CLMN: variants seen among roughly 807,000 people sequenced by gnomAD.
CLMN encodes calmin, also known as calmin (calponin-like, transmembrane).
In CLMN, 57 loss-of-function variants were observed where a neutral mutation model predicts 92.7. That is an observed-to-expected ratio of 0.61 (90% CI 0.50 to 0.77). The LOEUF (loss-of-function observed/expected upper bound fraction) is 0.77. Among genes scored for constraint, CLMN ranks in the 30% least tolerant of loss-of-function variants. CLMN has a pLI of 0.00. For missense variants in CLMN, 1,158 were observed against 1,237.5 expected (o/e 0.94, Z 0.96); for synonymous variants, 466 against 470.6 (o/e 0.99, Z 0.13).
chr14:95,269,011 C>T (rs1463506599), intron 1 of CLMN, among the ~76,000 whole-genome samples: 1 of 151,840 alleles, frequency 6.6e-6, no homozygotes, highest in African/African-American at 2.4e-5. Context: ...ACCATATTAG[C>T]CAGGCTGGTC....
chr14:95,204,491 C>CA lies in CLMN; in HGVS notation c.886-29dup, dbSNP rs369276675. ...GCAAAAAAAAACAAAAACAAACAAA[C>CA]AAAAAAAAACAAAAGAACAACAACA... is the stretch of plus-strand genomic sequence containing the variant. On this transcript the variant is annotated intron_variant, in intron 8 of 12. Transcript: ENST00000298912. 2,900 of 1,438,882 alleles carry CA rather than the reference C, an allele frequency of 2.0e-3. 8 individuals carry two copies. Among genetic ancestry groups the CA allele is most frequent in the African/African-American group, 0.012 (781 of 67,790 alleles). 89.1% of individuals were successfully genotyped at this position (1,438,882 alleles called of 1,614,324 possible).
Position 95,203,402 on chromosome 14 carries a change from T to C in CLMN, c.1947A>G (p.Thr649=), listed in dbSNP as rs1896945619. Residue 649 remains threonine, a synonymous_variant, in exon 9 of 13, where the codon ACA becomes ACG. Transcript: ENST00000298912. ...AEGCPSAPEE[T]PVDKKPEVHE... ...GCACCTCTGGCTTTTTATCCACTGG[T>C]GTCTCTTCTGGGGCTGAAGGACAGC... is the stretch of plus-strand genomic sequence containing the variant. The C allele has an allele frequency of 1.2e-6, 2 of 1,614,178 alleles. No individual in the cohort carries two copies. Among genetic ancestry groups the C allele is most frequent in the Non-Finnish European group, 1.7e-6 (2 of 1,180,026 alleles).
intron 4 of CLMN, among the ~76,000 whole-genome samples, chr14:95,221,272 T>C (rs531797834): frequency 1.3e-5 from 2 of 152,268 alleles, no homozygotes; most frequent in East Asian, 1.9e-4. Flanking sequence ...TTTTGTAACT[T>C]TTTTCCCCTG....
intron 1 of CLMN, among the ~76,000 whole-genome samples, chr14:95,237,499 G>A (rs1285408754): frequency 6.6e-6 from 1 of 152,256 alleles, no homozygotes. Flanking sequence ...TTACCACTGG[G>A]AGGATCATTT....
chr14:95,212,886 C>T (rs536840754), intron 6 of CLMN, among the ~76,000 whole-genome samples: 3 of 151,506 alleles, frequency 2.0e-5, no homozygotes, highest in East Asian at 1.9e-4. Flanking sequence ...CCCAGGTTCA[C>T]GCCATTCTCC....
chr14:95,231,913 C>T lies in CLMN; in HGVS notation c.83-1780G>A, dbSNP rs570839053. 8.3e-4 allele frequency among the ~76,000 whole-genome samples: 126 copies of T among 152,374 alleles called. 1 individual carries two copies. The South Asian group carries it at 0.015, about 18-fold the overall frequency. On this transcript the variant is annotated intron_variant, in intron 1 of 12. Transcript: ENST00000298912. The stretch of plus-strand genomic sequence containing the variant: ...CATGGATTAACTAATTTAATCCTTA[C>T]TACCATCCTCTGTGGCAGGTGCTAT...
chr14:95,281,069 A>G (rs567024298), intron 1 of CLMN, among the ~76,000 whole-genome samples: 9 of 152,240 alleles, frequency 5.9e-5, no homozygotes, highest in Non-Finnish European at 1.0e-4. Context: ...TGGATAACTA[A>G]TATATTCATA....
intron 9 of CLMN, among the ~76,000 whole-genome samples, chr14:95,198,042 C>CTTTTTTTTTT (rs1019598103): frequency 1.0e-4 from 7 of 69,958 alleles, no homozygotes; most frequent in Admixed American, 1.7e-4. Context: ...TTTTTTCTTT[C>CTTTTTTTTTT]TTTTTTTTTT....
At chr14:95,224,486 T>C (rs1246070635) in intron 2 of CLMN, among the ~76,000 whole-genome samples, 2 of 152,144 alleles carry the variant, frequency 1.3e-5, no homozygotes, top group Non-Finnish European at 2.9e-5. Context: ...TTTCACCATG[T>C]TGGCCAGTCT....
chr14:95,211,050 C>A (rs762841036), intron 6 of CLMN, among the ~76,000 whole-genome samples, 171 bp from the exon 7 acceptor site: 1 of 152,226 alleles, frequency 6.6e-6, no homozygotes. Context: ...GAACCACTCA[C>A]ATTTCCATTT....
intron 1 of CLMN, among the ~76,000 whole-genome samples, chr14:95,251,117 T>G (rs1898765259): frequency 1.3e-5 from 2 of 152,170 alleles, no homozygotes; most frequent in South Asian, 4.1e-4. Context: ...GCATTTGGCG[T>G]CTGCACTCAA....
At chr14:95,285,747 T>C (rs1386455253) in intron 1 of CLMN, among the ~76,000 whole-genome samples, 1 of 152,054 alleles carries the variant, frequency 6.6e-6, no homozygotes, top group Non-Finnish European at 1.5e-5. Flanking sequence ...CAGGATGAGG[T>C]GGACTTTTGA....
chr14:95,253,093 T>C lies in CLMN; in HGVS notation c.83-22960A>G, dbSNP rs551552018. 4.6e-5 allele frequency among the ~76,000 whole-genome samples: 7 copies of C among 152,256 alleles called. No homozygotes were observed. The South Asian group carries it at 8.3e-4, about 18-fold the overall frequency. On this transcript the variant is annotated intron_variant, in intron 1 of 12. Coordinates refer to ENST00000298912, the MANE Select transcript of CLMN (RefSeq NM_024734.4). Reference sequence around the variant, plus strand: ...AAACAAGAGTGGTCTTGTGTGGACCTTGGCAATTTGGCAAACTCCAGGCAT... The same window carrying C: ...AAACAAGAGTGGTCTTGTGTGGACCCTGGCAATTTGGCAAACTCCAGGCAT...
chr14:95,276,718 C>T (rs1899943083), intron 1 of CLMN, among the ~76,000 whole-genome samples: 1 of 152,120 alleles, frequency 6.6e-6, no homozygotes, highest in Non-Finnish European at 1.5e-5. Flanking sequence ...GTCACTGCAC[C>T]CCACTTTGAA....
At chr14:95,308,678 A>G (rs971993758) in intron 1 of CLMN, among the ~76,000 whole-genome samples, 1 of 150,974 alleles carries the variant, frequency 6.6e-6, no homozygotes, top group African/African-American at 2.4e-5. Context: ...CCATGATCGC[A>G]TCAGTGCCCT....
intron 1 of CLMN, among the ~76,000 whole-genome samples, chr14:95,284,970 C>G (rs1025145672): frequency 1.3e-5 from 2 of 152,100 alleles, no homozygotes; most frequent in African/African-American, 4.8e-5. Flanking sequence ...ACCCAAATCT[C>G]TACTTGAATT....
chr14:95,243,486 T>A (rs1275406929), intron 1 of CLMN, among the ~76,000 whole-genome samples: 17 of 152,318 alleles, frequency 1.1e-4, no homozygotes, highest in Non-Finnish European at 2.1e-4. Context: ...TTATTGCCTC[T>A]GTTTTCCTTC....
intron 10 of CLMN, among the ~76,000 whole-genome samples, chr14:95,195,277 C>T (rs1896674078): frequency 6.6e-6 from 1 of 152,340 alleles, no homozygotes; most frequent in Non-Finnish European, 1.5e-5. Context: ...TGCTCACCTG[C>T]ACTGACAGCA....
rs1896343938 is a variant in CLMN, at chr14:95,182,206, A to AAAAT, written c.*9354_*9357dup. The AAAAT allele has an allele frequency of 2.6e-5, 4 of 152,368 alleles. No individual in the cohort carries two copies. In the South Asian group the frequency reaches 8.3e-4, roughly 32 times the overall value. 9.4% of individuals were successfully genotyped at this position (152,368 alleles called of 1,614,324 possible). ...CAGCTATGTATATCCTAAATAGACA[A>AAAAT]AAATAATCCTTGTACTACAAAATAA... On this transcript the variant is annotated 3_prime_UTR_variant, in exon 13 of 13. Coordinates refer to ENST00000298912, the MANE Select transcript of CLMN (RefSeq NM_024734.4).
Sources: gnomAD v4.1 joint callset for allele counts (sites outside exome capture counted in the v4.1 genomes callset) on GRCh38, gnomAD v4.1.1 for gene constraint, MANE v1.5 for transcripts, NCBI Gene and HGNC (gene_info 2026-07-23, HGNC 2026-07-21) for gene names.